The following HYCC1 variants were observed in gnomAD, a reference collection of about 807,000 sequenced individuals.
The protein encoded by HYCC1 is hyccin.
chr7:22,996,925 T>C, the HYCC1 span, among the ~76,000 whole-genome samples: 1 of 152,176 alleles, frequency 6.6e-6, no homozygotes, highest in Non-Finnish European at 1.5e-5. Context: ...AACTTTATTC[T>C]TCTCAAAGAT....
At chr7:22,922,007 G>A in the HYCC1 span, among the ~76,000 whole-genome samples, 1 of 152,054 alleles carries the variant, frequency 6.6e-6, no homozygotes, top group Non-Finnish European at 1.5e-5. Flanking sequence ...AAATGAGTTT[G>A]AAAATGTTTC....
At chr7:22,901,004 G>C in the HYCC1 span, among the ~76,000 whole-genome samples, 1 of 151,910 alleles carries the variant, frequency 6.6e-6, no homozygotes, top group Non-Finnish European at 1.5e-5. Flanking sequence ...CAGATTCCTT[G>C]AGCCCAGGAG....
chr7:22,986,256 A>C, the HYCC1 span, among the ~76,000 whole-genome samples: 14 of 152,216 alleles, frequency 9.2e-5, no homozygotes, highest in Non-Finnish European at 1.5e-5. Flanking sequence ...TTAGTGCAGT[A>C]ATAATACCTT....
At chr7:22,958,895 G>A in the HYCC1 span, among the ~76,000 whole-genome samples, 6 of 152,260 alleles carry the variant, frequency 3.9e-5, no homozygotes, top group African/African-American at 1.4e-4. Context: ...TGTGCTTCCT[G>A]TAGCAGTAGC....
At chr7:23,012,298 C>T in the HYCC1 span, among the ~76,000 whole-genome samples, 2 of 152,038 alleles carry the variant, frequency 1.3e-5, no homozygotes, top group Admixed American at 1.3e-4. Context: ...AAAAATACAA[C>T]CCAGAGCAAA....
At chr7:22,910,528 T>G in the HYCC1 span, among the ~76,000 whole-genome samples, 1 of 152,230 alleles carries the variant, frequency 6.6e-6, no homozygotes, top group Admixed American at 6.5e-5. Flanking sequence ...CATACCTATT[T>G]AACACCTAAT....
chr7:23,007,118 A>G, the HYCC1 span, among the ~76,000 whole-genome samples: 1 of 152,212 alleles, frequency 6.6e-6, no homozygotes. Context: ...AAAAGATGAC[A>G]CATCAACACA....
At chr7:22,947,901 T>C in the HYCC1 span, among the ~76,000 whole-genome samples, 1 of 152,130 alleles carries the variant, frequency 6.6e-6, no homozygotes, top group African/African-American at 2.4e-5. Context: ...GGCTGTGATA[T>C]AGTTAAGCAG....
At chr7:22,959,059 G>A in the HYCC1 span, among the ~76,000 whole-genome samples, 4 of 152,134 alleles carry the variant, frequency 2.6e-5, no homozygotes, top group Non-Finnish European at 5.9e-5. Flanking sequence ...CCATTCAGTA[G>A]CATAATTTTC....
the HYCC1 span, among the ~76,000 whole-genome samples, chr7:22,898,773 T>C: frequency 2.0e-5 from 3 of 151,798 alleles, no homozygotes; most frequent in Non-Finnish European, 4.4e-5. Context: ...CGGATAATTT[T>C]TGTATTTTTA....
At chr7:22,959,433 AAT>A in the HYCC1 span, among the ~76,000 whole-genome samples, 1 of 152,178 alleles carries the variant, frequency 6.6e-6, no homozygotes, top group African/African-American at 2.4e-5. Context: ...GGAAGAAGAA[AAT>A]AGAGAATGGA....
chr7:22,938,866 A>C, the HYCC1 span: 20 of 152,248 alleles, frequency 1.3e-4, 1 homozygote, highest in South Asian at 1.5e-3. Flanking sequence ...GGAAATTAGC[A>C]CAATGCCCAG....
the HYCC1 span, chr7:22,976,868 T>C: frequency 1.1e-5 from 10 of 932,774 alleles, no homozygotes; most frequent in South Asian, 5.3e-5. Flanking sequence ...AGGTGATATA[T>C]AGAATATATA....
chr7:22,933,009 G>A, the HYCC1 span, among the ~76,000 whole-genome samples: 1 of 152,190 alleles, frequency 6.6e-6, no homozygotes, highest in Non-Finnish European at 1.5e-5. Flanking sequence ...GCAGCTACAA[G>A]CCAAGACCTG....
chr7:22,917,766 C>T, the HYCC1 span, among the ~76,000 whole-genome samples: 3 of 152,166 alleles, frequency 2.0e-5, no homozygotes, highest in South Asian at 2.1e-4. Flanking sequence ...TACCTCAAAC[C>T]ACCACCCTTA....
the HYCC1 span, among the ~76,000 whole-genome samples, chr7:22,932,526 G>T: frequency 3.3e-4 from 50 of 152,148 alleles, 1 homozygote; most frequent in Admixed American, 3.3e-3. Context: ...TATTTTGGAA[G>T]CAGATACCTT....
the HYCC1 span, among the ~76,000 whole-genome samples, chr7:22,953,090 A>G: frequency 2.6e-5 from 4 of 151,988 alleles, no homozygotes; most frequent in African/African-American, 9.7e-5. Flanking sequence ...GGTGGATTCA[A>G]TTACTCTCAG....
chr7:22,925,004 C>T, the HYCC1 span, among the ~76,000 whole-genome samples: 1 of 152,188 alleles, frequency 6.6e-6, no homozygotes, highest in Non-Finnish European at 1.5e-5. Context: ...AACAATCAGG[C>T]AGCAGCATTT....
At chr7:22,914,922 G>C in the HYCC1 span, among the ~76,000 whole-genome samples, 1 of 152,044 alleles carries the variant, frequency 6.6e-6, no homozygotes, top group Non-Finnish European at 1.5e-5. Flanking sequence ...TCTCCCACCT[G>C]CCCAAAAATT....
Sources: allele counts gnomAD v4.1 joint callset (sites outside exome capture counted in the v4.1 genomes callset), GRCh38; gene constraint gnomAD v4.1.1; transcripts MANE v1.5; gene names NCBI Gene and HGNC (gene_info 2026-07-23, HGNC 2026-07-21).